TAOK1: variants seen among roughly 807,000 people sequenced by gnomAD.
The protein encoded by TAOK1 is serine/threonine-protein kinase TAO1.
TAOK1 carries 21 observed loss-of-function variants against 138.3 expected under a neutral mutation model. The ratio of observed to expected loss-of-function variants is 0.15; its 90% confidence interval spans 0.11 to 0.22. TAOK1 has a LOEUF of 0.22. Ranked by LOEUF, TAOK1 falls within the 10% of genes least tolerant of loss-of-function variation. The pLI, the probability that TAOK1 is intolerant of heterozygous loss-of-function variation, is 1.00. For synonymous variants in TAOK1, 361 were observed against 398.4 expected, an observed-to-expected ratio of 0.91 and a Z score of 1.12; for missense variants, 651 against 1,227.7, an observed-to-expected ratio of 0.53 and a Z score of 7.02.
chr17:29,414,283 C>T (rs915700017), intron 1 of TAOK1, among the ~76,000 whole-genome samples: 2 of 151,986 alleles, frequency 1.3e-5, no homozygotes, highest in Non-Finnish European at 2.9e-5. Flanking sequence ...GAGTCTTGCT[C>T]GGTCGCCTAG....
intron 7 of TAOK1, among the ~76,000 whole-genome samples, chr17:29,481,745 G>A (rs1262799311): frequency 6.6e-6 from 1 of 151,922 alleles, no homozygotes; most frequent in Non-Finnish European, 1.5e-5. Context: ...GGATCACCAG[G>A]TCAGGAGATC....
intron 2 of TAOK1, among the ~76,000 whole-genome samples, chr17:29,465,943 T>C (rs1487804547): frequency 6.6e-6 from 1 of 150,866 alleles, no homozygotes; most frequent in Non-Finnish European, 1.5e-5. Context: ...TTAGCAGTTG[T>C]TTTCAATAGA....
At chr17:29,454,028 C>A (rs1019009708) in intron 2 of TAOK1, among the ~76,000 whole-genome samples, 3 of 150,478 alleles carry the variant, frequency 2.0e-5, no homozygotes, top group African/African-American at 7.3e-5. Flanking sequence ...GTTGCCCAGG[C>A]TGGTGTTGAA....
In TAOK1 at chr17:29,473,734, CT is replaced by C. The variant is rs201288500; in HGVS notation, c.205-1926del. Among the ~76,000 whole-genome samples, 56 of 147,966 alleles carry C rather than the reference CT, an allele frequency of 3.8e-4. No homozygotes were observed. In the East Asian group the frequency reaches 5.9e-3, roughly 16 times the overall value. ...CTTGCACTTTTCTTTCTTTCTTTTT[CT>C]TTTTTTTTTGAGACAGAGTCTCTCT... On this transcript the variant is annotated intron_variant, in intron 3 of 19. Transcript: ENST00000261716.
At chr17:29,457,671 G>T (rs2030423405) in intron 2 of TAOK1, among the ~76,000 whole-genome samples, 1 of 151,812 alleles carries the variant, frequency 6.6e-6, no homozygotes, top group Non-Finnish European at 1.5e-5. Flanking sequence ...CTCCCAAAGT[G>T]CTGGGATTAC....
At chr17:29,408,019 T>G (rs1239692676) in intron 1 of TAOK1, among the ~76,000 whole-genome samples, 2 of 151,688 alleles carry the variant, frequency 1.3e-5, no homozygotes, top group Non-Finnish European at 2.9e-5. Context: ...CATGCTGCCA[T>G]TCATTCCTGA....
intron 1 of TAOK1, among the ~76,000 whole-genome samples, chr17:29,438,447 G>T (rs2153023204): frequency 6.6e-6 from 1 of 152,322 alleles, no homozygotes; most frequent in East Asian, 1.9e-4. Context: ...CACTTTGGGA[G>T]GCTGAGGCGG....
intron 15 of TAOK1, among the ~76,000 whole-genome samples, chr17:29,516,326 T>C (rs1232425879): frequency 6.6e-6 from 1 of 151,642 alleles, no homozygotes; most frequent in Non-Finnish European, 1.5e-5. Flanking sequence ...TTTTATGGGG[T>C]TTTCGTTGTG....
chr17:29,504,263 C>T (rs1215670566), intron 13 of TAOK1, among the ~76,000 whole-genome samples: 2 of 117,750 alleles, frequency 1.7e-5, no homozygotes, highest in Admixed American at 1.1e-4. Flanking sequence ...GGTGACAGTG[C>T]CAGACCCTGT....
intron 15 of TAOK1, among the ~76,000 whole-genome samples, chr17:29,516,182 C>G (rs995906280): frequency 1.3e-5 from 2 of 151,736 alleles, no homozygotes; most frequent in African/African-American, 2.4e-5. Flanking sequence ...GCTGGTCTTG[C>G]GCTCCCAACC....
chr17:29,403,160 CAAA>C (rs34253777), intron 1 of TAOK1, among the ~76,000 whole-genome samples: 5 of 60,036 alleles, frequency 8.3e-5, no homozygotes, highest in East Asian at 5.4e-4. Context: ...GATTTTGTCT[CAAA>C]AAAAAAAAAA....
chr17:29,438,375 G>A (rs1385867522), intron 1 of TAOK1, among the ~76,000 whole-genome samples: 1 of 152,268 alleles, frequency 6.6e-6, no homozygotes, highest in East Asian at 1.9e-4. Flanking sequence ...GTTGAAGTTT[G>A]CAAATACCTA....
intron 12 of TAOK1, among the ~76,000 whole-genome samples, chr17:29,499,855 C>G (rs897441429): frequency 6.6e-6 from 1 of 152,086 alleles, no homozygotes; most frequent in Non-Finnish European, 1.5e-5. Flanking sequence ...GCCACTGCAC[C>G]CAGTGTATAT....
chr17:29,434,951 A>C lies in TAOK1; in HGVS notation c.-94-16504A>C, dbSNP rs62066579. ...TGTGGAACCGAGTCCTCCTCCAGTA[A>C]GGGAGAGGAAAGGATGTCTTGTGAC... On this transcript the variant is annotated intron_variant, in intron 1 of 19. Transcript: ENST00000261716. Among the ~76,000 whole-genome samples the C allele has an allele frequency of 7.0e-3, 1,071 of 152,260 alleles. 8 individuals are homozygous for C. The highest frequency in any genetic ancestry group is 0.011 in the Non-Finnish European group (747 of 68,000).
At chr17:29,463,777 G>A (rs887201215) in intron 2 of TAOK1, among the ~76,000 whole-genome samples, 5 of 152,148 alleles carry the variant, frequency 3.3e-5, no homozygotes, top group African/African-American at 1.2e-4. Flanking sequence ...CTTCAAAGCA[G>A]TGAAAAGACA....
intron 7 of TAOK1, among the ~76,000 whole-genome samples, chr17:29,481,013 A>G (rs988053594): frequency 6.6e-6 from 1 of 152,124 alleles, no homozygotes; most frequent in African/African-American, 2.4e-5. Flanking sequence ...TGCCCTAGCC[A>G]CTTTTATCAT....
chr17:29,501,445 A>G (rs564843644), intron 12 of TAOK1, among the ~76,000 whole-genome samples: 1 of 150,662 alleles, frequency 6.6e-6, no homozygotes, highest in South Asian at 2.1e-4. Flanking sequence ...AAAAAAGATT[A>G]TTCCCACAAT....
rs565877139 is a variant in TAOK1, at chr17:29,417,160, G to T, written c.-95+26136G>T. ...CTCCTGAGTAGCTGGGATTACAGGC[G>T]TCTGCTACCATGCCTGGCTAATTTA... is the stretch of plus-strand genomic sequence containing the variant. On this transcript the variant is annotated intron_variant, in intron 1 of 19. Transcript: ENST00000261716. Among the ~76,000 whole-genome samples the T allele has an allele frequency of 1.9e-3, 282 of 152,152 alleles. 1 individual carries two copies. Among genetic ancestry groups the T allele is most frequent in the Non-Finnish European group, 3.5e-3 (240 of 67,994 alleles).
chr17:29,508,172 T>G (rs1439488792), intron 14 of TAOK1, 40 bp downstream of exon 14: 3 of 1,560,806 alleles, frequency 1.9e-6, no homozygotes, highest in Non-Finnish European at 2.6e-6. Context: ...ATTTTAGGTT[T>G]TGAATGTCTC....
Sources: gnomAD v4.1 joint callset for allele counts (sites outside exome capture counted in the v4.1 genomes callset) on GRCh38, gnomAD v4.1.1 for gene constraint, MANE v1.5 for transcripts, NCBI Gene and HGNC (gene_info 2026-07-23, HGNC 2026-07-21) for gene names.